SPAG9: variants seen among roughly 807,000 people sequenced by gnomAD.
SPAG9 encodes sperm associated antigen 9.
A neutral mutation model predicts 166.5 loss-of-function variants in SPAG9; 35 were observed. The observed-to-expected ratio is 0.21, with a 90% CI of 0.16 to 0.28. The LOEUF is 0.28. Among genes scored for constraint, SPAG9 ranks in the 10% least tolerant of loss-of-function variants. SPAG9 has a pLI of 1.00. For synonymous variants in SPAG9, 534 were observed against 565.5 expected, an observed-to-expected ratio of 0.94 and a Z score of 0.79; for missense variants, 1,235 against 1,603.3, an observed-to-expected ratio of 0.77 and a Z score of 3.92.
chr17:51,094,447 T>A (rs1336842507), intron 1 of SPAG9, among the ~76,000 whole-genome samples: 1 of 152,182 alleles, frequency 6.6e-6, no homozygotes, highest in Non-Finnish European at 1.5e-5. Flanking sequence ...ATGCTATTTT[T>A]AAAAGTAGTG....
Position 50,962,302 on chromosome 17 carries a change from A to G in SPAG9, c.*3970T>C, listed in dbSNP as rs1238887748. Reference sequence around the variant, plus strand: ...AATGAGCTCTTTGCTCATAGAAATGAAGCTCAGCCTCTAAGAGACAGCAAG... The same window carrying G: ...AATGAGCTCTTTGCTCATAGAAATGGAGCTCAGCCTCTAAGAGACAGCAAG... On this transcript the variant is annotated 3_prime_UTR_variant, in exon 30 of 30. Transcript: ENST00000262013. The G allele has an allele frequency of 6.6e-6, 1 of 152,246 alleles. No homozygotes were observed. The highest frequency in any genetic ancestry group is 2.4e-5 in the African/African-American group (1 of 41,470). The allele number at this position is 152,246 out of a possible 1,614,324, so 9.4% of individuals were successfully genotyped here.
At chr17:51,072,388 A>C (rs1460454252) in intron 2 of SPAG9, among the ~76,000 whole-genome samples, 1 of 149,960 alleles carries the variant, frequency 6.7e-6, no homozygotes, top group Non-Finnish European at 1.5e-5. Context: ...TTTATTTAAA[A>C]AACAAAAAAT....
chr17:51,063,721 T>C (rs531734179), intron 2 of SPAG9, among the ~76,000 whole-genome samples: 1 of 151,682 alleles, frequency 6.6e-6, no homozygotes, highest in Admixed American at 6.6e-5. Context: ...TCTTCTCTAC[T>C]AAAAACAAAA....
In SPAG9 at chr17:51,097,381, T is replaced by A. The variant is rs142824719; in HGVS notation, c.304-17677A>T. Among the ~76,000 whole-genome samples, 490 of 152,118 alleles carry A rather than the reference T, an allele frequency of 3.2e-3. 2 individuals carry two copies. Among genetic ancestry groups the A allele is most frequent in the African/African-American group, 0.011 (471 of 41,524 alleles). ...GACTGTACTGGACACAGAGGATTCA[T>A]CAAAAATAAAAGACAGTAGCTGGGC... On this transcript the variant is annotated intron_variant, in intron 1 of 29. Coordinates refer to ENST00000262013, the MANE Select transcript of SPAG9 (RefSeq NM_001130528.3).
At chr17:51,085,949 C>A (rs575891451) in intron 1 of SPAG9, among the ~76,000 whole-genome samples, 3 of 138,656 alleles carry the variant, frequency 2.2e-5, no homozygotes, top group Non-Finnish European at 4.7e-5. Flanking sequence ...TTTTTATCCT[C>A]TTGGAAATCA....
chr17:50,987,161 T>G lies in SPAG9; in HGVS notation c.2890A>C (p.Lys964Gln). The change falls in exon 22 of 30, where the codon AAA becomes CAA. Residue 964 changes from lysine to glutamine, a missense_variant. Around this residue, in one of 6 missense-constraint regions of SPAG9, gnomAD observed 493 missense variants for 559.4 expected, o/e 0.88. Transcript: ENST00000262013. ...EQDLVREEAQ[K>Q]MSSLLPTMWL... is the part of the protein sequence containing the mutation. ...ATAGTTGGTAAAAGACTACTCATTT[T>G]CTGGGCTTCTTCTCTCACCAAGTCT... The G allele has an allele frequency of 6.2e-7, 1 of 1,613,718 alleles. No homozygotes were observed. The highest frequency in any genetic ancestry group is 8.5e-7 in the Non-Finnish European group (1 of 1,179,842).
intron 1 of SPAG9, among the ~76,000 whole-genome samples, chr17:51,095,945 TTATATATATA>T (rs2048615225): frequency 4.4e-4 from 48 of 110,074 alleles, no homozygotes; most frequent in African/African-American, 2.0e-3. Flanking sequence ...AGTGATATAG[TTATATATATA>T]GTGATATATA....
chr17:51,041,565 G>A lies in SPAG9; in HGVS notation c.677C>T (p.Thr226Ile). Reference protein sequence around the residue: ...LTPDAQKGGETPGSEQWKFQE... With the variant: ...LTPDAQKGGEIPGSEQWKFQE... ...AAATTTCCATTGCTCAGATCCAGGGGTCTCTCCTCCTTTCTGAGCATCAGG... is the reference window on the plus strand; with the variant it reads ...AAATTTCCATTGCTCAGATCCAGGGATCTCTCCTCCTTTCTGAGCATCAGG... Residue 226 changes from threonine to isoleucine, a missense_variant, in exon 5 of 30, where the codon ACC becomes ATC. Transcript: ENST00000262013. 1 of 1,613,868 alleles carries A rather than the reference G, an allele frequency of 6.2e-7. No homozygotes were observed. The highest frequency in any genetic ancestry group is 8.5e-7 in the Non-Finnish European group (1 of 1,179,796).
intron 2 of SPAG9, among the ~76,000 whole-genome samples, chr17:51,071,895 T>A (rs1279337906): frequency 2.8e-5 from 4 of 142,144 alleles, no homozygotes; most frequent in Non-Finnish European, 6.4e-5. Flanking sequence ...ACTAATACAC[T>A]GTATAAACAT....
At chr17:50,970,928 G>A (rs1326780160) in intron 28 of SPAG9, 72 bp from the exon 29 acceptor site, 13 of 1,252,146 alleles carry the variant, frequency 1.0e-5, no homozygotes, top group Non-Finnish European at 1.5e-5. Context: ...TTTTTTTTAA[G>A]TATTTTTAGA....
intron 6 of SPAG9, among the ~76,000 whole-genome samples, chr17:51,022,433 GA>G (rs1196457174): frequency 2.6e-5 from 4 of 152,108 alleles, no homozygotes; most frequent in African/African-American, 9.7e-5. Flanking sequence ...TATGCAAATT[GA>G]AATTGTATGC....
At chr17:51,052,272 G>A (rs1183627103) in intron 3 of SPAG9, among the ~76,000 whole-genome samples, 2 of 152,140 alleles carry the variant, frequency 1.3e-5, no homozygotes, top group African/African-American at 2.4e-5. Flanking sequence ...TGTTTTAAGG[G>A]CGCCTAGTTC....
At chr17:50,971,492 G>A (rs1481875686) in intron 28 of SPAG9, among the ~76,000 whole-genome samples, 3 of 122,270 alleles carry the variant, frequency 2.5e-5, no homozygotes, top group East Asian at 4.7e-4. Flanking sequence ...TTTTGAGATG[G>A]AGTCTTGCTC....
At chr17:51,119,033 CAAAAA>C (rs3079111) in intron 1 of SPAG9, among the ~76,000 whole-genome samples, 1 of 96,258 alleles carries the variant, frequency 1.0e-5, no homozygotes, top group African/African-American at 4.2e-5. Context: ...GACTACGTCT[CAAAAA>C]AAAAAAAAAA....
In SPAG9 at chr17:51,040,207, A is replaced by G. The variant is rs374858610; in HGVS notation, c.741+1294T>C. 2.7e-5 allele frequency among the ~76,000 whole-genome samples: 4 copies of G among 149,664 alleles called. No homozygotes were observed. In the East Asian group the frequency reaches 5.9e-4, roughly 22 times the overall value. ...GGTTGAAATGAGCTGAGATCTCACCACTGCACTCCAGCCTGAGCGACACAG... is the reference window on the plus strand; with the variant it reads ...GGTTGAAATGAGCTGAGATCTCACCGCTGCACTCCAGCCTGAGCGACACAG... On this transcript the variant is annotated intron_variant, in intron 5 of 29. Coordinates refer to ENST00000262013, the MANE Select transcript of SPAG9 (RefSeq NM_001130528.3).
chr17:50,975,819 A>T, intron 27 of SPAG9: 1 of 1,454,940 alleles, frequency 6.9e-7, no homozygotes, highest in Non-Finnish European at 9.3e-7. Context: ...TACAGTGGCT[A>T]TTAGAAGCCA....
intron 3 of SPAG9, among the ~76,000 whole-genome samples, chr17:51,050,985 G>T (rs1313157908): frequency 2.0e-5 from 3 of 148,214 alleles, no homozygotes; most frequent in African/African-American, 7.5e-5. Context: ...AGGGAGGAAA[G>T]GGAAGGAAGG....
chr17:50,994,615 G>A (rs1213889742), intron 18 of SPAG9, among the ~76,000 whole-genome samples: 3 of 152,210 alleles, frequency 2.0e-5, no homozygotes, highest in Admixed American at 2.0e-4. Context: ...CAGGTGTGGT[G>A]GTGTGGGTGT....
Position 50,966,386 on chromosome 17 carries a change from A to C in SPAG9, c.3852T>G (p.Gly1284=). 6.3e-7 allele frequency: 1 copy of C among 1,577,526 alleles called. No homozygotes were observed. Residue 1284 remains glycine (G), a splice_region_variant and synonymous_variant, in exon 30 of 30, where the codon GGT becomes GGG. Transcript: ENST00000262013. ...GAAGTTCTGATTCTCCACCTTCATC[A>C]CCTAGTGAATGATAAGAAGACTCAA... The part of the protein sequence containing the change: ...GGEGYIDFRM[G]DEGGESELLG...
Sources: allele counts gnomAD v4.1 joint callset (sites outside exome capture counted in the v4.1 genomes callset), GRCh38; gene constraint gnomAD v4.1.1; regional missense constraint gnomAD v4.1.1; transcripts MANE v1.5; gene names NCBI Gene and HGNC (gene_info 2026-07-23, HGNC 2026-07-21).